The following HLCS variants were observed in gnomAD, a reference collection of about 807,000 sequenced individuals.
HLCS encodes the protein holocarboxylase synthetase.
In HLCS, 53 loss-of-function variants were observed where a neutral mutation model predicts 75.0. The observed-to-expected ratio is 0.71, with a 90% confidence interval of 0.57 to 0.89. The LOEUF is 0.89. HLCS is among the 40% of genes least tolerant of loss of function. The pLI is 0.00. For synonymous variants in HLCS, 431 were observed against 428.6 expected (o/e 1.01, Z -0.07); for missense variants, 966 against 1,074.0 (o/e 0.90, Z 1.41).
At chr21:36,920,878 T>G (rs1416862825) in intron 5 of HLCS, among the ~76,000 whole-genome samples, 1 of 152,160 alleles carries the variant, frequency 6.6e-6, no homozygotes, top group Non-Finnish European at 1.5e-5. Flanking sequence ...TGAAAAGTAA[T>G]CTAGACAATC....
At chr21:36,765,429 T>A (rs971317409) in intron 7 of HLCS, among the ~76,000 whole-genome samples, 2 of 152,116 alleles carry the variant, frequency 1.3e-5, no homozygotes. Flanking sequence ...TGACTCAGAG[T>A]CTTACAGCGT....
chr21:36,793,928 G>A (rs1317449761), intron 6 of HLCS, among the ~76,000 whole-genome samples: 2 of 152,142 alleles, frequency 1.3e-5, no homozygotes, highest in Non-Finnish European at 2.9e-5. Flanking sequence ...GGGTTGTCAG[G>A]AGGATATACC....
Position 36,794,007 on chromosome 21 carries a change from C to T in HLCS, c.1893-26722G>A, listed in dbSNP as rs149054532. On this transcript the variant is annotated intron_variant, in intron 6 of 10. Coordinates refer to ENST00000674895, the MANE Select transcript of HLCS (RefSeq NM_001352514.2). ...CCCTGTGAATGTGCTTTCAGACCTG[C>T]CCTGGATTCTTAGCTTCTACTAAGG... is the stretch of plus-strand genomic sequence containing the variant. Among the ~76,000 whole-genome samples the T allele has an allele frequency of 1.2e-4, 19 of 152,318 alleles. No individual in the cohort carries two copies. The East Asian group carries it at 2.9e-3, about 23-fold the overall frequency.
intron 2 of HLCS, among the ~76,000 whole-genome samples, chr21:36,956,203 G>T (rs1440646426): frequency 1.3e-5 from 2 of 152,144 alleles, no homozygotes; most frequent in African/African-American, 4.8e-5. Flanking sequence ...CTGGGAGGAG[G>T]GGTAGGGGGA....
In HLCS at chr21:36,939,009, G is replaced by A. The variant is rs1384658128; in HGVS notation, c.331-15C>T. ...CACTTGACAATCTGAGAAAAAGCAG[G>A]AGAGGGAGGAGGTGGGAAAAGACAG... is the stretch of plus-strand genomic sequence containing the variant. On this transcript the variant is annotated splice_polypyrimidine_tract_variant and intron_variant, in intron 2 of 10. Coordinates refer to ENST00000674895, the MANE Select transcript of HLCS (RefSeq NM_001352514.2). The A allele has an allele frequency of 6.3e-7, 1 of 1,596,728 alleles. No individual in the cohort carries two copies. Among genetic ancestry groups the A allele is most frequent in the South Asian group, 1.1e-5 (1 of 90,258 alleles).
intron 5 of HLCS, among the ~76,000 whole-genome samples, chr21:36,925,206 C>T (rs577135319): frequency 1.3e-5 from 2 of 152,242 alleles, no homozygotes; most frequent in South Asian, 4.2e-4. Context: ...ATCACACAAA[C>T]ACACCTCATG....
intron 5 of HLCS, among the ~76,000 whole-genome samples, chr21:36,916,644 T>C (rs2065946789): frequency 1.3e-5 from 2 of 151,682 alleles, no homozygotes; most frequent in Non-Finnish European, 2.9e-5. Flanking sequence ...AGTGCTGAGA[T>C]TACGGGCATG....
At chr21:36,870,041 TTG>T (rs2063716870) in intron 6 of HLCS, among the ~76,000 whole-genome samples, 1 of 152,196 alleles carries the variant, frequency 6.6e-6, no homozygotes, top group Non-Finnish European at 1.5e-5. Flanking sequence ...GAGAAGTTGT[TTG>T]CCACGATTTT....
chr21:36,806,728 G>T (rs181867091), intron 6 of HLCS, among the ~76,000 whole-genome samples: 1 of 152,192 alleles, frequency 6.6e-6, no homozygotes, highest in African/African-American at 2.4e-5. Flanking sequence ...TTAAGAGAGC[G>T]TATTACTTAT....
At chr21:36,781,382 G>T (rs561432366) in intron 6 of HLCS, among the ~76,000 whole-genome samples, 1 of 152,120 alleles carries the variant, frequency 6.6e-6, no homozygotes, top group South Asian at 2.1e-4. Flanking sequence ...AGCAAAGGAT[G>T]ACTTACATTT....
At chr21:36,975,592 G>A (rs989487676) in intron 1 of HLCS, among the ~76,000 whole-genome samples, 1 of 152,142 alleles carries the variant, frequency 6.6e-6, no homozygotes, top group Admixed American at 6.5e-5. Context: ...AAGCAACATA[G>A]TGAGACCCCA....
chr21:36,881,365 A>T (rs73902781), intron 6 of HLCS, among the ~76,000 whole-genome samples: 3,130 of 152,190 alleles, frequency 0.021, 79 homozygotes, highest in African/African-American at 0.055. Context: ...CCCAGGAGCC[A>T]CTTTGTCTAA....
At chr21:36,769,018 A>G (rs1297876626) in intron 6 of HLCS, among the ~76,000 whole-genome samples, 3 of 152,160 alleles carry the variant, frequency 2.0e-5, no homozygotes, top group African/African-American at 7.2e-5. Flanking sequence ...GCAATCTAGG[A>G]TGTTCTGTAA....
At chr21:36,838,406 G>A (rs894487957) in intron 6 of HLCS, among the ~76,000 whole-genome samples, 4 of 151,856 alleles carry the variant, frequency 2.6e-5, no homozygotes, top group Non-Finnish European at 5.9e-5. Context: ...AGATAGAATA[G>A]AATTAAATTA....
At position 36,927,180 on chromosome 21, in the gene HLCS, C is replaced by T. The variant is rs115586672; in HGVS notation, c.1620+3071G>A. 3.4e-3 allele frequency among the ~76,000 whole-genome samples: 515 copies of T among 152,344 alleles called. 2 individuals carry two copies. Among genetic ancestry groups the T allele is most frequent in the African/African-American group, 0.011 (476 of 41,580 alleles). ...GGGAGGTTCAATTAAACGTGAAAGCCTTGGTCGGAGGAAGCCCAGCTCAGC... is the reference window on the plus strand; with the variant it reads ...GGGAGGTTCAATTAAACGTGAAAGCTTTGGTCGGAGGAAGCCCAGCTCAGC... On this transcript the variant is annotated intron_variant, in intron 5 of 10. Coordinates refer to ENST00000674895, the MANE Select transcript of HLCS (RefSeq NM_001352514.2).
At chr21:36,826,930 A>G (rs1011699803) in intron 6 of HLCS, among the ~76,000 whole-genome samples, 1 of 152,224 alleles carries the variant, frequency 6.6e-6, no homozygotes, top group African/African-American at 2.4e-5. Flanking sequence ...TAATAGGTAT[A>G]AACATGGTCT....
chr21:36,851,821 T>TA (rs2063016797), intron 6 of HLCS: 1 of 152,076 alleles, frequency 6.6e-6, no homozygotes, highest in Non-Finnish European at 1.5e-5. Flanking sequence ...CCCACAAAAA[T>TA]AAAAAATAAA....
At chr21:36,898,686 G>A (rs1384949316) in intron 5 of HLCS, among the ~76,000 whole-genome samples, 1 of 152,024 alleles carries the variant, frequency 6.6e-6, no homozygotes, top group African/African-American at 2.4e-5. Flanking sequence ...TAGCTGGAAA[G>A]GACAATTAGG....
At chr21:36,783,934 C>T (rs940503135) in intron 6 of HLCS, among the ~76,000 whole-genome samples, 8 of 152,200 alleles carry the variant, frequency 5.3e-5, no homozygotes, top group Non-Finnish European at 1.0e-4. Flanking sequence ...CATCTTTCCA[C>T]TCACTGTAAG....
Sources: allele counts gnomAD v4.1 joint callset (sites outside exome capture counted in the v4.1 genomes callset), GRCh38; gene constraint gnomAD v4.1.1; transcripts MANE v1.5; gene names NCBI Gene and HGNC (gene_info 2026-07-23, HGNC 2026-07-21).